Variants in LARS1 observed in about 807,000 individuals in gnomAD.
LARS1 encodes leucine--tRNA ligase, cytoplasmic.
In LARS1, 100 loss-of-function variants were observed where a neutral mutation model predicts 162.8. That is an observed-to-expected ratio of 0.61 (90% CI 0.52 to 0.73). LARS1 has a LOEUF of 0.73. Ranked by LOEUF, LARS1 falls within the 30% of genes least tolerant of loss-of-function variation. The pLI is 0.00. For synonymous variants in LARS1, 457 were observed against 462.8 expected (o/e 0.99, Z 0.16); for missense variants, 1,258 against 1,408.9 (o/e 0.89, Z 1.71).
intron 8 of LARS1, among the ~76,000 whole-genome samples, chr5:146,158,670 A>G (rs956974709): frequency 6.6e-6 from 1 of 152,178 alleles, no homozygotes; most frequent in Non-Finnish European, 1.5e-5. Context: ...ATATAACTGG[A>G]ATCTGTGTAT....
chr5:146,174,144 TAAAAA>T (rs66479730), intron 2 of LARS1, among the ~76,000 whole-genome samples: 11 of 89,140 alleles, frequency 1.2e-4, no homozygotes, highest in East Asian at 4.2e-4. Context: ...CTTTTTCTCT[TAAAAA>T]AAAAAAAAAA....
intron 28 of LARS1, among the ~76,000 whole-genome samples, chr5:146,125,216 C>T (rs1272511013): frequency 2.6e-5 from 4 of 152,030 alleles, no homozygotes; most frequent in Non-Finnish European, 5.9e-5. Flanking sequence ...GAACTATGAA[C>T]ATACCAGCAC....
chr5:146,141,437 T>C (rs1230119797), intron 20 of LARS1, among the ~76,000 whole-genome samples: 2 of 152,216 alleles, frequency 1.3e-5, no homozygotes, highest in Non-Finnish European at 2.9e-5. Flanking sequence ...TGCAAAGGAA[T>C]GAAGATTCAA....
intron 1 of LARS1, among the ~76,000 whole-genome samples, chr5:146,181,874 T>TTTTTTTTTTG (rs1754879253): frequency 1.8e-5 from 2 of 113,908 alleles, no homozygotes; most frequent in South Asian, 2.7e-4. Flanking sequence ...TTTTTTTTTT[T>TTTTTTTTTTG]TTTTTGCTGT....
chr5:146,174,512 A>ATATATCCATATATG (rs1561498091), intron 2 of LARS1, among the ~76,000 whole-genome samples: 4 of 19,956 alleles, frequency 2.0e-4, no homozygotes, highest in African/African-American at 5.3e-4. Flanking sequence ...ATATATATAT[A>ATATATCCATATATG]TATATATCCA....
In LARS1 at chr5:146,130,102, C is replaced by T. The variant is rs2126418724; in HGVS notation, c.2544G>A (p.Val848=). Residue 848 remains valine, a synonymous_variant, in exon 25 of 32, where the codon GTG becomes GTA. Coordinates refer to ENST00000394434, the MANE Select transcript of LARS1 (RefSeq NM_020117.11). ...GTGTCTGAACTTCAATAAACCGGAA[C>T]ACAAGTTCTCTGTGCATCCCTTCCA... The part of the protein sequence containing the change: ...LAVEGMHREL[V]FRFIEVQTLL... 2.5e-6 allele frequency: 4 copies of T among 1,613,914 alleles called. No individual in the cohort carries two copies. Among genetic ancestry groups the T allele is most frequent in the East Asian group, 4.5e-5 (2 of 44,870 alleles).
rs868169707 is a variant in LARS1 at position 146,126,449 on chromosome 5, C to A, written c.2977G>T (p.Val993Phe). 2 of 1,608,112 alleles carry A rather than the reference C, an allele frequency of 1.2e-6. No individual in the cohort carries two copies. Among genetic ancestry groups the A allele is most frequent in the South Asian group, 1.1e-5 (1 of 90,888 alleles). The stretch of plus-strand genomic sequence containing the variant: ...CCACAGCTTACCTTAATCATGGCAA[C>A]AAATGGCATGACTTTCTTCATGTAT... ...KKYMKKVMPF[V>F]AMIKENLEKM... The change falls in exon 28 of 32, where the codon GTT (valine) becomes TTT (phenylalanine). Residue 993 changes from valine (V) to phenylalanine (F), a missense_variant. Physicochemically the swap from Val to Phe is conservative, Grantham distance 50 (BLOSUM62 -1). Transcript: ENST00000394434.
chr5:146,168,332 T>A lies in LARS1; in HGVS notation c.295-67A>T, dbSNP rs916728612. 4 of 1,511,050 alleles carry A rather than the reference T, an allele frequency of 2.6e-6. No individual in the cohort carries two copies. The Admixed American group carries it at 8.7e-5, about 33-fold the overall frequency. The allele number at this position is 1,511,050 out of a possible 1,614,324, so 93.6% of individuals were successfully genotyped here. A position where few individuals can be genotyped will look rare whatever the true frequency, so the allele number is the denominator to read the frequency against. On this transcript the variant is annotated intron_variant, in intron 4 of 31. Coordinates refer to ENST00000394434, the MANE Select transcript of LARS1 (RefSeq NM_020117.11). ...AGACACAATTTCAGTTTTTTACTGT[T>A]TTTATTGCCAACTAAAATTGACTCT...
chr5:146,136,148 A>T (rs2126448053), intron 21 of LARS1, among the ~76,000 whole-genome samples: 2 of 152,370 alleles, frequency 1.3e-5, no homozygotes, highest in Middle Eastern at 6.8e-3. Flanking sequence ...CGGAAGAGGC[A>T]CCACTCACAG....
At chr5:146,144,559 T>C (rs944710227) in intron 16 of LARS1, 22 bp from the exon 17 acceptor site, 4 of 1,612,822 alleles carry the variant, frequency 2.5e-6, no homozygotes, top group South Asian at 1.1e-5. Flanking sequence ...CAAATTGATA[T>C]GTTTTTTTTT....
At chr5:146,167,478 A>G (rs35821418) in intron 5 of LARS1, among the ~76,000 whole-genome samples, 33,764 of 151,210 alleles carry the variant, frequency 0.22, 4,817 homozygotes, top group Admixed American at 0.34. Flanking sequence ...ATCTGGGCTC[A>G]CTGCAAGCTC....
At position 146,144,497 on chromosome 5, in the gene LARS1, A is replaced by G; in HGVS notation, c.1630T>C (p.Ser544Pro). ...YGEENWKKQT[S>P]QCLKNLETFC... ...GTTTCCAGGTTCTTCAAGCACTGAG[A>G]TGTCTGTTTCTTCCAATTCTCTTCT... The change falls in exon 17 of 32, where the codon TCT (serine) becomes CCT (proline). Residue 544 changes from serine to proline, a missense_variant. Transcript: ENST00000394434. The G allele has an allele frequency of 6.2e-7, 1 of 1,613,756 alleles. No individual in the cohort carries two copies. Among genetic ancestry groups the G allele is most frequent in the Non-Finnish European group, 8.5e-7 (1 of 1,179,942 alleles).
intron 5 of LARS1, among the ~76,000 whole-genome samples, chr5:146,164,709 T>C (rs1165122361): frequency 6.6e-6 from 1 of 152,168 alleles, no homozygotes; most frequent in Non-Finnish European, 1.5e-5. Flanking sequence ...CTGGCACCAA[T>C]AATAACTAAA....
chr5:146,116,731 G>A (rs1764229699), intron 31 of LARS1, among the ~76,000 whole-genome samples: 1 of 152,206 alleles, frequency 6.6e-6, no homozygotes, highest in Non-Finnish European at 1.5e-5. Flanking sequence ...TGGGTTGTGA[G>A]TGATTCAAAT....
intron 29 of LARS1, among the ~76,000 whole-genome samples, chr5:146,123,568 T>C (rs1366036550): frequency 1.3e-5 from 2 of 151,708 alleles, no homozygotes; most frequent in African/African-American, 4.8e-5. Context: ...AATATATCAG[T>C]GCAGCAATTC....
chr5:146,131,722 C>T (rs1039630151), intron 23 of LARS1: 2 of 152,500 alleles, frequency 1.3e-5, no homozygotes, highest in African/African-American at 4.8e-5. Flanking sequence ...AACTCCTGGG[C>T]TCAAGCAATC....
chr5:146,175,021 C>G (rs998642396), intron 2 of LARS1, among the ~76,000 whole-genome samples: 2 of 152,050 alleles, frequency 1.3e-5, no homozygotes, highest in Admixed American at 6.5e-5. Flanking sequence ...GGAGTTGGGA[C>G]CAGCCTCAGC....
In LARS1 at chr5:146,113,393, A is replaced by G; in HGVS notation, c.*713T>C. 1 of 152,810 alleles carries G rather than the reference A, an allele frequency of 6.5e-6. No individual in the cohort carries two copies. The highest frequency in any genetic ancestry group is 1.5e-5 in the Non-Finnish European group (1 of 68,498). The allele number at this position is 152,810 out of a possible 1,614,324, so 9.5% of individuals were successfully genotyped here. A position where few individuals can be genotyped will look rare whatever the true frequency, so the allele number is the denominator to read the frequency against. On this transcript the variant is annotated 3_prime_UTR_variant, in exon 32 of 32. Transcript: ENST00000394434. ...TGACCTTTAAACACAATTGGACTTA[A>G]GACAAATTTAGTAAATGCAGATTTC... is the stretch of plus-strand genomic sequence containing the variant.
chr5:146,156,338 T>C (rs529165009), intron 10 of LARS1, among the ~76,000 whole-genome samples: 11 of 152,320 alleles, frequency 7.2e-5, no homozygotes, highest in East Asian at 1.9e-4. Flanking sequence ...TAAAAAATTA[T>C]TTAAGATACC....
Sources: allele counts gnomAD v4.1 joint callset (sites outside exome capture counted in the v4.1 genomes callset), GRCh38; gene constraint gnomAD v4.1.1; transcripts MANE v1.5; gene names NCBI Gene and HGNC (gene_info 2026-07-23, HGNC 2026-07-21).